The following SF3A3 variants were observed in gnomAD, a reference collection of about 807,000 sequenced individuals.
The protein encoded by SF3A3 is splicing factor 3a subunit 3, also known as SAP 61.
SF3A3 carries 9 observed loss-of-function variants against 85.8 expected under a neutral mutation model. The ratio of observed to expected loss-of-function variants is 0.10; its 90% CI spans 0.06 to 0.18. The LOEUF (loss-of-function observed/expected upper bound fraction) is 0.18, where lower values mean the gene tolerates loss of function less well. SF3A3 is among the 10% of genes least tolerant of loss of function. The pLI, the probability that SF3A3 is intolerant of heterozygous loss-of-function variation, is 1.00. For synonymous variants in SF3A3, 195 were observed against 204.4 expected, an observed-to-expected ratio of 0.95 and a Z score of 0.39; for missense variants, 306 against 593.3, an observed-to-expected ratio of 0.52 and a Z score of 5.03.
chr1:37,982,344 A>G (rs1646425140), intron 6 of SF3A3, among the ~76,000 whole-genome samples: 1 of 151,922 alleles, frequency 6.6e-6, no homozygotes, highest in African/African-American at 2.4e-5. Context: ...TGAGATTGTC[A>G]TATTAAACCT....
At chr1:37,981,477 T>C (rs1646418324) in intron 7 of SF3A3, among the ~76,000 whole-genome samples, 2 of 152,208 alleles carry the variant, frequency 1.3e-5, no homozygotes, top group African/African-American at 4.8e-5. Flanking sequence ...GGAGAGTTCC[T>C]TCTATAATGA....
rs1439211566 is a variant in SF3A3 at position 37,987,566 on chromosome 1, G to A, written c.303+7C>T. ...GGTCTGGAGAAAATACTTTTCTGAG[G>A]ACATACCTCATTTGGGTGCTTCCGG... On this transcript the variant is annotated splice_region_variant and intron_variant, in intron 4 of 16. Transcript: ENST00000373019. 3 of 1,594,826 alleles carry A rather than the reference G, an allele frequency of 1.9e-6. No homozygotes were observed. Among genetic ancestry groups the A allele is most frequent in the Non-Finnish European group, 2.6e-6 (3 of 1,162,360 alleles).
chr1:37,981,613 T>C, intron 7 of SF3A3, 116 bp downstream of exon 7: 1 of 730,132 alleles, frequency 1.4e-6, no homozygotes. Flanking sequence ...CCAATAAACC[T>C]GGAAGTATGC....
In SF3A3 at chr1:37,984,712, G is replaced by A; in HGVS notation, c.371C>T (p.Ala124Val). 6 of 1,611,242 alleles carry A rather than the reference G, an allele frequency of 3.7e-6. No homozygotes were observed. The highest frequency in any genetic ancestry group is 5.1e-6 in the Non-Finnish European group (6 of 1,177,360). The change falls in exon 5 of 17, where the codon GCA becomes GTA. Residue 124 changes from alanine (A) to valine (V), a missense_variant. Around this residue, in one of 4 missense-constraint regions of SF3A3, gnomAD observed 152 missense variants for 192.0 expected, o/e 0.79. Coordinates refer to ENST00000373019, the MANE Select transcript of SF3A3 (RefSeq NM_006802.4). The stretch of plus-strand genomic sequence containing the variant: ...AAATTTTCACCCCTACTTACTTTGT[G>A]CCTCTTCACTTGGATTCTCTCGAGC... ...LKARENPSEEAQNLVEFTDEE... is the reference protein window; with the variant it reads ...LKARENPSEEVQNLVEFTDEE...
At chr1:37,983,586 C>CAAAAAAAAAATAAAAAAA (rs1646435277) in intron 6 of SF3A3, among the ~76,000 whole-genome samples, 1 of 38,490 alleles carries the variant, frequency 2.6e-5, no homozygotes, top group African/African-American at 1.7e-4. Flanking sequence ...GACCCTGTCT[C>CAAAAAAAAAATAAAAAAA]AAAAAAAAAA....
chr1:37,988,709 AATGAACCTCCATTTATT>A (rs1292830332), intron 2 of SF3A3, among the ~76,000 whole-genome samples: 2 of 152,120 alleles, frequency 1.3e-5, no homozygotes. Context: ...AACGTAGTAA[AATGAACCTCCATTTATT>A]CATCACCCAG....
intron 2 of SF3A3, 110 bp from the exon 3 acceptor site, chr1:37,987,946 G>GATAT: frequency 1.2e-6 from 1 of 851,250 alleles, no homozygotes; most frequent in Non-Finnish European, 2.0e-6. Flanking sequence ...AAGAGACATG[G>GATAT]ATATGAGATA....
At chr1:37,965,894 C>A (rs972768238) in intron 15 of SF3A3, among the ~76,000 whole-genome samples, 16 of 152,054 alleles carry the variant, frequency 1.1e-4, no homozygotes, top group Non-Finnish European at 2.4e-4. Context: ...TGACATAGAT[C>A]CACTGAAAAG....
At chr1:37,973,401 G>T (rs1166691026) in intron 12 of SF3A3, among the ~76,000 whole-genome samples, 1 of 152,138 alleles carries the variant, frequency 6.6e-6, no homozygotes, top group Admixed American at 6.6e-5. Flanking sequence ...TACCATCAGA[G>T]TGAACAGGCA....
chr1:37,967,159 G>C (rs1297691501), intron 15 of SF3A3, among the ~76,000 whole-genome samples: 1 of 65,584 alleles, frequency 1.5e-5, no homozygotes, highest in African/African-American at 6.3e-5. Context: ...GGGAGGCTGA[G>C]GCAGGAGAAT....
intron 2 of SF3A3, among the ~76,000 whole-genome samples, chr1:37,988,743 T>C (rs1557756938): frequency 6.6e-6 from 1 of 152,126 alleles, no homozygotes; most frequent in Non-Finnish European, 1.5e-5. Flanking sequence ...CCAGTTTAAA[T>C]AGCATCTTGT....
At chr1:37,970,490 C>T (rs1315173413) in intron 12 of SF3A3, among the ~76,000 whole-genome samples, 5 of 152,124 alleles carry the variant, frequency 3.3e-5, no homozygotes, top group African/African-American at 9.7e-5. Flanking sequence ...TTGAACTCAG[C>T]TCTGCACCAA....
chr1:37,962,603 CAAAAA>C (rs10562404), intron 15 of SF3A3, among the ~76,000 whole-genome samples: 3 of 80,256 alleles, frequency 3.7e-5, no homozygotes, highest in African/African-American at 5.7e-5. Context: ...AACTCCATCT[CAAAAA>C]AAAAAAAAAA....
chr1:37,959,958 A>T (rs1646245792), intron 16 of SF3A3, among the ~76,000 whole-genome samples, 162 bp downstream of exon 16: 2 of 3,728 alleles, frequency 5.4e-4, no homozygotes, highest in African/African-American at 2.1e-3. Flanking sequence ...ACTCCGTGTC[A>T]AAAAAAAAAA....
chr1:37,988,714 A>G lies in SF3A3; in HGVS notation c.144+834T>C, dbSNP rs573790076. 2.2e-4 allele frequency among the ~76,000 whole-genome samples: 33 copies of G among 152,072 alleles called. 1 individual carries two copies. In the South Asian group the frequency reaches 6.2e-3, roughly 29 times the overall value. On this transcript the variant is annotated intron_variant, in intron 2 of 16. Coordinates refer to ENST00000373019, the MANE Select transcript of SF3A3 (RefSeq NM_006802.4). The stretch of plus-strand genomic sequence containing the variant: ...AAGAGTAAGGAACGTAGTAAAATGA[A>G]CCTCCATTTATTCATCACCCAGTTT...
intron 6 of SF3A3, 87 bp from the exon 7 acceptor site, chr1:37,981,898 AAAT>A: frequency 1.3e-6 from 1 of 795,432 alleles, no homozygotes; most frequent in East Asian, 2.7e-5. Flanking sequence ...AGTGAGATCA[AAAT>A]TGAGTGTTTT....
rs544804423 is a variant in SF3A3, at chr1:37,973,673, C to T, written c.1005+3211G>A. The stretch of plus-strand genomic sequence containing the variant: ...TCAACCATTGTGGAAGACAGTGTGG[C>T]GATTCCTCAAGGATCTAGAACTAGA... On this transcript the variant is annotated intron_variant, in intron 12 of 16. Coordinates refer to ENST00000373019, the MANE Select transcript of SF3A3 (RefSeq NM_006802.4). 2.6e-3 allele frequency among the ~76,000 whole-genome samples: 390 copies of T among 152,232 alleles called. 3 individuals are homozygous for T. The highest frequency in any genetic ancestry group is 7.8e-3 in the African/African-American group (324 of 41,540).
intron 4 of SF3A3, among the ~76,000 whole-genome samples, chr1:37,986,282 C>G (rs771425277): frequency 6.6e-6 from 1 of 152,126 alleles, no homozygotes; most frequent in Admixed American, 6.6e-5. Flanking sequence ...ATACTCCATA[C>G]TTCTACTTCC....
At position 37,957,703 on chromosome 1, in the gene SF3A3, G is replaced by A. The variant is rs1232662953; in HGVS notation, c.*483C>T. ...CACTTAGTCCTTAGTAGCAACCCTG[G>A]CTCATCCTCCTAGTCTTTCCCTAGT... On this transcript the variant is annotated 3_prime_UTR_variant, in exon 17 of 17. Transcript: ENST00000373019. 6.5e-6 allele frequency: 1 copy of A among 153,766 alleles called. No individual in the cohort carries two copies. Among genetic ancestry groups the A allele is most frequent in the Admixed American group, 6.5e-5 (1 of 15,450 alleles). 9.5% of individuals were successfully genotyped at this position (153,766 alleles called of 1,614,324 possible).
Sources: gnomAD v4.1 joint callset for allele counts (sites outside exome capture counted in the v4.1 genomes callset) on GRCh38, gnomAD v4.1.1 for gene constraint, gnomAD v4.1.1 regional missense constraint, MANE v1.5 for transcripts, NCBI Gene and HGNC (gene_info 2026-07-23, HGNC 2026-07-21) for gene names.